The following ANKRD28 variants were observed in gnomAD, a reference collection of about 807,000 sequenced individuals.
ANKRD28 encodes the protein ankyrin repeat domain 28, also known as serine/threonine-protein phosphatase 6 regulatory ankyrin repeat subunit A.
ANKRD28 carries 44 observed loss-of-function variants against 126.5 expected under a neutral mutation model. The observed-to-expected ratio is 0.35, with a 90% confidence interval of 0.27 to 0.45. The LOEUF is 0.45. Among genes scored for constraint, ANKRD28 ranks in the 20% least tolerant of loss-of-function variants. ANKRD28 has a pLI of 1.00. For synonymous variants in ANKRD28, 442 were observed against 468.5 expected, an observed-to-expected ratio of 0.94 and a Z score of 0.73; for missense variants, 1,110 against 1,316.6, an observed-to-expected ratio of 0.84 and a Z score of 2.43.
intron 4 of ANKRD28, among the ~76,000 whole-genome samples, chr3:15,750,198 C>T (rs925465953): frequency 2.0e-5 from 3 of 152,088 alleles, no homozygotes; most frequent in Non-Finnish European, 4.4e-5. Context: ...TGGTAAAAAT[C>T]CATTATTTTA....
chr3:15,816,067 G>A lies in ANKRD28; in HGVS notation c.28-20761C>T, dbSNP rs1447648. Among the ~76,000 whole-genome samples the A allele has an allele frequency of 0.72, 110,071 of 152,038 alleles. 40,060 individuals are homozygous for A. The highest frequency in any genetic ancestry group is 0.93 in the East Asian group (4,818 of 5,184). The stretch of plus-strand genomic sequence containing the variant: ...TCAAGCTCAAAACAATATCACGAGC[G>A]TATTTCTGACTGATTGAAAACCGCC... On this transcript the variant is annotated intron_variant, in intron 1 of 27. Coordinates refer to the ANKRD28 transcript ENST00000399451. This position sits in a 1 kb window ranked among gnomAD's most constrained non-coding sequence, Gnocchi z 5.0.
chr3:15,765,448 TG>T (rs2058691984), intron 3 of ANKRD28, among the ~76,000 whole-genome samples: 1 of 152,176 alleles, frequency 6.6e-6, no homozygotes, highest in African/African-American at 2.4e-5. Context: ...CTGTCTCCAC[TG>T]TTGTATTTGC....
At chr3:15,672,010 A>T (rs2066419318) in intron 27 of ANKRD28, among the ~76,000 whole-genome samples, 1 of 151,882 alleles carries the variant, frequency 6.6e-6, no homozygotes, top group Admixed American at 6.6e-5. Flanking sequence ...TAGTTGGTTC[A>T]TTTTCATTGT....
chr3:15,698,175 G>A (rs1054399565), intron 14 of ANKRD28, among the ~76,000 whole-genome samples: 26 of 152,124 alleles, frequency 1.7e-4, no homozygotes, highest in South Asian at 2.1e-4. Flanking sequence ...AAAGGCCTTC[G>A]ACAAAATTCA....
chr3:15,702,626 C>T lies in ANKRD28; in HGVS notation c.1547+5298G>A, dbSNP rs2070777180. Among the ~76,000 whole-genome samples the T allele has an allele frequency of 3.3e-5, 5 of 152,056 alleles. 1 individual carries two copies. In the South Asian group the frequency reaches 1.0e-3, roughly 32 times the overall value. ...CTATTTAAATTTCTCCTACTCTTAC[C>T]CTACCACTCATGAACCCTACTATTT... On this transcript the variant is annotated intron_variant, in intron 14 of 27. Transcript: ENST00000683139.
At chr3:15,794,328 T>TAAAA (rs57325392) in intron 2 of ANKRD28, among the ~76,000 whole-genome samples, 3 of 148,370 alleles carry the variant, frequency 2.0e-5, no homozygotes, top group Non-Finnish European at 3.0e-5. Context: ...AGTATTATAT[T>TAAAA]AAAAAAAAAA....
At chr3:15,748,457 T>C (rs1304144293) in intron 4 of ANKRD28, among the ~76,000 whole-genome samples, 3 of 152,198 alleles carry the variant, frequency 2.0e-5, no homozygotes, top group Non-Finnish European at 4.4e-5. Flanking sequence ...TGAAGCTTAG[T>C]TTCACTGGGT....
chr3:15,798,803 G>C (rs1371440945), upstream of ANKRD28, among the ~76,000 whole-genome samples: 1 of 151,934 alleles, frequency 6.6e-6, no homozygotes, highest in Non-Finnish European at 1.5e-5. Context: ...ACCCAACATG[G>C]GGGATATTTC....
At chr3:15,791,434 A>G (rs1339954120) in intron 2 of ANKRD28, among the ~76,000 whole-genome samples, 11 of 151,874 alleles carry the variant, frequency 7.2e-5, no homozygotes, top group Admixed American at 6.6e-4. Flanking sequence ...CCAATAGAAC[A>G]GAACAGAGAA....
At chr3:15,692,034 G>A (rs2068867083) in intron 17 of ANKRD28, among the ~76,000 whole-genome samples, 1 of 151,906 alleles carries the variant, frequency 6.6e-6, no homozygotes, top group Non-Finnish European at 1.5e-5. Context: ...CAGCTATGCA[G>A]GAGGCTGAGG....
rs750618889 is a variant in ANKRD28, at chr3:15,678,260, C to T, written c.2656G>A (p.Gly886Arg). The T allele has an allele frequency of 3.7e-6, 6 of 1,612,888 alleles. No individual in the cohort carries two copies. In the South Asian group the frequency reaches 5.5e-5, roughly 15 times the overall value. Residue 886 changes from glycine to arginine, a missense_variant, in exon 24 of 28, where the codon GGG becomes AGG. Coordinates refer to ENST00000683139, the MANE Select transcript of ANKRD28 (RefSeq NM_001349278.2). ...NAQVNSVDST[G>R]KTPLMMAAEN... ...GCAGCCATCATAAGAGGTGTTTTCC[C>T]TGTAGAGTCCACAGAATTGACTTGA...
rs1455598240 is a variant in ANKRD28, at chr3:15,850,202, A to ATATATATAT, written c.27+9174_27+9175insATATATATA. The stretch of plus-strand genomic sequence containing the variant: ...TATCTACATGCAATAAAAAAAAAAA[A>ATATATATAT]AAATATATATATATATATATATAGA... On this transcript the variant is annotated intron_variant, in intron 1 of 27. Coordinates refer to the ANKRD28 transcript ENST00000399451. Among the ~76,000 whole-genome samples the ATATATATAT allele has an allele frequency of 2.5e-3, 140 of 54,978 alleles. 3 individuals are homozygous for ATATATATAT. Among genetic ancestry groups the ATATATATAT allele is most frequent in the Middle Eastern group, 0.011 (1 of 88 alleles). 36.1% of individuals were successfully genotyped at this position (54,978 alleles called of 152,430 possible).
intron 6 of ANKRD28, among the ~76,000 whole-genome samples, chr3:15,733,960 A>C (rs2074836678): frequency 6.6e-6 from 1 of 152,212 alleles, no homozygotes; most frequent in Non-Finnish European, 1.5e-5. Context: ...ATTTATCTAG[A>C]AAGAGTGTAT....
intron 6 of ANKRD28, among the ~76,000 whole-genome samples, chr3:15,727,110 G>A (rs1311833719): frequency 3.9e-5 from 6 of 152,112 alleles, no homozygotes; most frequent in South Asian, 2.1e-4. Flanking sequence ...TGTTGTTTTC[G>A]TGCCTGCTAA....
At chr3:15,725,151 T>C (rs1159835897) in intron 6 of ANKRD28, among the ~76,000 whole-genome samples, 2 of 152,264 alleles carry the variant, frequency 1.3e-5, no homozygotes, top group African/African-American at 4.8e-5. Flanking sequence ...GTTAAAAAAA[T>C]TAAAAATGCA....
chr3:15,850,224 T>TAGAGAGAGAGAGAGAGAGAGAGAG (rs375278547), intron 1 of ANKRD28, among the ~76,000 whole-genome samples: 3 of 35,112 alleles, frequency 8.5e-5, no homozygotes, highest in Non-Finnish European at 1.8e-4. Flanking sequence ...TATATATATA[T>TAGAGAGAGAGAGAGAGAGAGAGAG]AGAGAGAGAG....
upstream of ANKRD28, among the ~76,000 whole-genome samples, chr3:15,799,911 G>C (rs1206137355): frequency 6.6e-6 from 1 of 151,946 alleles, no homozygotes; most frequent in Non-Finnish European, 1.5e-5. Context: ...ACTCTGGAAG[G>C]GTGGAGATTT....
At chr3:15,731,847 T>C (rs2074626634) in intron 6 of ANKRD28, 1 of 7,530 alleles carries the variant, frequency 1.3e-4, no homozygotes, top group South Asian at 5.2e-3. Flanking sequence ...TGAAACTGTC[T>C]CAAAAAAAAA....
chr3:15,856,500 A>G (rs933802156), intron 1 of ANKRD28, among the ~76,000 whole-genome samples: 2 of 152,240 alleles, frequency 1.3e-5, no homozygotes, highest in Admixed American at 1.3e-4. Flanking sequence ...TATCTGTTAG[A>G]AAAAACCCTG....
Sources: gnomAD v4.1 joint callset for allele counts (sites outside exome capture counted in the v4.1 genomes callset) on GRCh38, gnomAD v4.1.1 for gene constraint, Gnocchi (gnomAD v3.1) non-coding constraint, MANE v1.5 for transcripts, NCBI Gene and HGNC (gene_info 2026-07-23, HGNC 2026-07-21) for gene names.